Variants in DCAF8L2 observed in about 807,000 individuals in gnomAD.
The protein encoded by DCAF8L2 is DDB1- and CUL4-associated factor 8-like protein 2.
For synonymous variants in DCAF8L2, 200 were observed against 190.9 expected (o/e 1.05, Z -0.39); for missense variants, 430 against 490.7 (o/e 0.88, Z 1.17).
the DCAF8L2 span, among the ~76,000 whole-genome samples, chrX:27,495,557 G>T: frequency 8.9e-6 from 1 of 111,879 alleles, no homozygotes; most frequent in Non-Finnish European, 1.9e-5. Flanking sequence ...GTATTCCATA[G>T]TATTGTATTG....
chrX:27,737,142 G>A (rs1158586375), intron 4 of DCAF8L2, among the ~76,000 whole-genome samples: 2 of 111,282 alleles, frequency 1.8e-5, no homozygotes, highest in East Asian at 2.8e-4. Context: ...CTTCTAGTAC[G>A]GCAAATATAA....
At chrX:27,553,582 A>G in the DCAF8L2 span, among the ~76,000 whole-genome samples, 57 of 109,128 alleles carry the variant, frequency 5.2e-4, no homozygotes, top group Middle Eastern at 4.9e-3. Flanking sequence ...CCTGCTTTTT[A>G]TTGGTTTCCA....
intron 1 of DCAF8L2, among the ~76,000 whole-genome samples, chrX:27,608,658 T>C (rs907762414): frequency 7.2e-5 from 8 of 111,209 alleles, no homozygotes; most frequent in Non-Finnish European, 1.3e-4. Flanking sequence ...TCCATTTTTT[T>C]CTGCGTCTCT....
intron 3 of DCAF8L2, among the ~76,000 whole-genome samples, chrX:27,683,975 G>C (rs1930412110): frequency 8.9e-6 from 1 of 112,619 alleles, no homozygotes; most frequent in Admixed American, 9.4e-5. Context: ...CTATAGTGGA[G>C]ACCTCACTGT....
At chrX:27,473,387 A>G in the DCAF8L2 span, among the ~76,000 whole-genome samples, 35 of 109,828 alleles carry the variant, frequency 3.2e-4, no homozygotes, top group Middle Eastern at 4.7e-3. Flanking sequence ...CACAGATGGC[A>G]TTTTCTAATA....
At chrX:27,500,492 A>G in the DCAF8L2 span, among the ~76,000 whole-genome samples, 2 of 111,887 alleles carry the variant, frequency 1.8e-5, no homozygotes, top group African/African-American at 6.5e-5. Flanking sequence ...GCTTTGACAT[A>G]AATTCCAAGT....
At chrX:27,486,353 T>C in the DCAF8L2 span, among the ~76,000 whole-genome samples, 1 of 110,894 alleles carries the variant, frequency 9.0e-6, no homozygotes, top group Non-Finnish European at 1.9e-5. Context: ...GAGTCAAAAA[T>C]AGGATTTCAA....
intron 1 of DCAF8L2, among the ~76,000 whole-genome samples, chrX:27,619,327 A>C (rs1009392482): frequency 9.0e-6 from 1 of 111,117 alleles, no homozygotes; most frequent in Non-Finnish European, 1.9e-5. Flanking sequence ...CCGTTTCTCT[A>C]TAAGTGAGGC....
chrX:27,677,766 T>G (rs1337513704), intron 2 of DCAF8L2, 70 bp from the exon 3 acceptor site: 1 of 111,865 alleles, frequency 8.9e-6, no homozygotes, highest in East Asian at 2.8e-4. Flanking sequence ...GAATATTTAT[T>G]GGACTTGAAG....
intron 3 of DCAF8L2, among the ~76,000 whole-genome samples, chrX:27,688,186 A>T (rs1447414897): frequency 1.5e-4 from 17 of 112,269 alleles, no homozygotes; most frequent in African/African-American, 5.5e-4. Flanking sequence ...ATTGATAAAA[A>T]ATAGAATGGG....
the DCAF8L2 span, among the ~76,000 whole-genome samples, chrX:27,581,929 T>C: frequency 8.9e-6 from 1 of 112,411 alleles, no homozygotes; most frequent in African/African-American, 3.2e-5. Flanking sequence ...AGATTTTCTG[T>C]TCTGAAATAA....
At chrX:27,532,726 A>ATATTTATTTATT in the DCAF8L2 span, among the ~76,000 whole-genome samples, 27 of 85,534 alleles carry the variant, frequency 3.2e-4, no homozygotes, top group African/African-American at 5.6e-4. Context: ...AGTGAGACCC[A>ATATTTATTTATT]TATTTATTTA....
At chrX:27,532,519 TAA>T in the DCAF8L2 span, among the ~76,000 whole-genome samples, 1 of 110,991 alleles carries the variant, frequency 9.0e-6, no homozygotes, top group Non-Finnish European at 1.9e-5. Context: ...GTTATAAATA[TAA>T]GAGATGATGG....
chrX:27,507,291 G>C, the DCAF8L2 span, among the ~76,000 whole-genome samples: 1 of 111,523 alleles, frequency 9.0e-6, no homozygotes, highest in Non-Finnish European at 1.9e-5. Flanking sequence ...CCTGGTCTTA[G>C]ACAAACACAG....
chrX:27,517,774 T>G, the DCAF8L2 span: 1 of 1,138,430 alleles, frequency 8.8e-7, no homozygotes, highest in Non-Finnish European at 1.2e-6. Flanking sequence ...CTCACATTGC[T>G]TCAAACTCAT....
chrX:27,704,173 T>TACACACACAC (rs752781522), intron 3 of DCAF8L2, among the ~76,000 whole-genome samples: 1 of 44,279 alleles, frequency 2.3e-5, no homozygotes, highest in Non-Finnish European at 4.1e-5. Flanking sequence ...TATATATATA[T>TACACACACAC]ACATATACAC....
chrX:27,597,380 A>G (rs920380637), intron 1 of DCAF8L2, among the ~76,000 whole-genome samples: 2 of 111,323 alleles, frequency 1.8e-5, no homozygotes, highest in Non-Finnish European at 3.8e-5. Flanking sequence ...CATCGGTTTC[A>G]CTGTTTCACT....
chrX:27,700,365 G>C (rs768726475), intron 3 of DCAF8L2, among the ~76,000 whole-genome samples: 1 of 80,459 alleles, frequency 1.2e-5, no homozygotes, highest in East Asian at 3.6e-4. Flanking sequence ...TCTGGAAATG[G>C]GTCATAAGTG....
the DCAF8L2 span, among the ~76,000 whole-genome samples, chrX:27,542,709 A>AT: frequency 4.1e-4 from 44 of 106,119 alleles, no homozygotes; most frequent in Non-Finnish European, 7.6e-4. Context: ...CGCCCGGCTA[A>AT]TTTTTTGTAT....
Sources: gnomAD v4.1 joint callset for allele counts (sites outside exome capture counted in the v4.1 genomes callset) on GRCh38, gnomAD v4.1.1 for gene constraint, MANE v1.5 for transcripts, NCBI Gene and HGNC (gene_info 2026-07-23, HGNC 2026-07-21) for gene names.